PTPRQ: variants seen among roughly 807,000 people sequenced by gnomAD.
PTPRQ encodes protein tyrosine phosphatase receptor type Q, also known as phosphatidylinositol phosphatase PTPRQ.
In PTPRQ, 199 loss-of-function variants were observed where a neutral mutation model predicts 246.0. The observed-to-expected ratio is 0.81, with a 90% CI of 0.72 to 0.91. The LOEUF (loss-of-function observed/expected upper bound fraction) is 0.91, where lower values mean the gene tolerates loss of function less well. Ranked by LOEUF, PTPRQ falls within the 40% of genes least tolerant of loss-of-function variation. PTPRQ has a pLI of 0.00. For synonymous variants in PTPRQ, 869 were observed against 853.2 expected (o/e 1.02, Z -0.32); for missense variants, 2,624 against 2,528.4 (o/e 1.04, Z -0.81).
At chr12:80,623,031 G>A (rs186195440) in intron 33 of PTPRQ, among the ~76,000 whole-genome samples, 4 of 152,076 alleles carry the variant, frequency 2.6e-5, no homozygotes, top group Admixed American at 6.6e-5. Flanking sequence ...CAGTTTATTC[G>A]TCTTAAAGAA....
chr12:80,553,485 A>G (rs1011188446), intron 25 of PTPRQ, among the ~76,000 whole-genome samples: 4 of 152,148 alleles, frequency 2.6e-5, no homozygotes, highest in African/African-American at 7.2e-5. Context: ...GATTAGTCAC[A>G]GTGTATAGCC....
chr12:80,488,655 A>G (rs1460936182), intron 9 of PTPRQ, among the ~76,000 whole-genome samples: 1 of 152,040 alleles, frequency 6.6e-6, no homozygotes, highest in Non-Finnish European at 1.5e-5. Context: ...TATTTTCATT[A>G]TAAACCCTTC....
At chr12:80,636,733 G>A (rs1251253012) in intron 35 of PTPRQ, among the ~76,000 whole-genome samples, 1 of 152,106 alleles carries the variant, frequency 6.6e-6, no homozygotes, top group Non-Finnish European at 1.5e-5. Context: ...AGAATACTTA[G>A]TAGCCCGTGA....
chr12:80,502,515 G>A (rs1182421899), intron 14 of PTPRQ, among the ~76,000 whole-genome samples: 1 of 151,944 alleles, frequency 6.6e-6, no homozygotes, highest in Non-Finnish European at 1.5e-5. Context: ...GGCATGTGAA[G>A]CTAGCAGAGT....
chr12:80,645,884 G>A (rs933750996), intron 35 of PTPRQ, among the ~76,000 whole-genome samples: 8 of 152,082 alleles, frequency 5.3e-5, no homozygotes, highest in African/African-American at 1.9e-4. Flanking sequence ...TGTCAGAAAT[G>A]TGGGCATGGT....
chr12:80,648,247 G>A (rs546294145), intron 35 of PTPRQ, among the ~76,000 whole-genome samples: 1 of 152,044 alleles, frequency 6.6e-6, no homozygotes, highest in East Asian at 1.9e-4. Flanking sequence ...TTTTTGCAGT[G>A]CTAATTTGTT....
At chr12:80,597,362 T>A (rs916783296) in intron 26 of PTPRQ, among the ~76,000 whole-genome samples, 3 of 151,918 alleles carry the variant, frequency 2.0e-5, no homozygotes, top group African/African-American at 7.3e-5. Context: ...ATGAAAATGG[T>A]GATATTTTAT....
intron 35 of PTPRQ, 102 bp from the exon 36 acceptor site, chr12:80,648,795 A>T: frequency 9.3e-7 from 1 of 1,069,610 alleles, no homozygotes; most frequent in Non-Finnish European, 1.3e-6. Flanking sequence ...AGCACATTTT[A>T]CATTATTGAT....
In PTPRQ at chr12:80,484,422, T is replaced by C. The variant is rs749371481; in HGVS notation, c.1187-11T>C. The stretch of plus-strand genomic sequence containing the variant: ...TCCCCCTTTTCTTTTCTTTCTTTCT[T>C]TCTTTCTTAGTTCCAGGGGCAGTGT... On this transcript the variant is annotated splice_polypyrimidine_tract_variant and intron_variant, in intron 8 of 44. Coordinates refer to ENST00000644991, the MANE Select transcript of PTPRQ (RefSeq NM_001145026.2). The C allele has an allele frequency of 6.6e-7, 1 of 1,523,258 alleles. No individual in the cohort carries two copies. The highest frequency in any genetic ancestry group is 8.8e-7 in the Non-Finnish European group (1 of 1,138,734). 94.4% of individuals were successfully genotyped at this position (1,523,258 alleles called of 1,614,324 possible).
At chr12:80,612,163 C>G (rs1898576170) in intron 28 of PTPRQ, among the ~76,000 whole-genome samples, 1 of 150,306 alleles carries the variant, frequency 6.7e-6, no homozygotes, top group African/African-American at 2.4e-5. Flanking sequence ...TGTTATGCAT[C>G]AAGAAGTAGC....
At chr12:80,458,208 C>A (rs1893039057) in intron 4 of PTPRQ, among the ~76,000 whole-genome samples, 1 of 152,090 alleles carries the variant, frequency 6.6e-6, no homozygotes, top group Non-Finnish European at 1.5e-5. Flanking sequence ...TGGCTCTTTT[C>A]TCTCACAGTA....
rs760905352 is a variant in PTPRQ, at chr12:80,507,834, A to G, written c.2557+1164A>G. ...TTATCTTAATAAAAAAACCTTCCAAATGAGTCAATGGTTAAAAACTAGGGA... is the reference window on the plus strand; with the variant it reads ...TTATCTTAATAAAAAAACCTTCCAAGTGAGTCAATGGTTAAAAACTAGGGA... On this transcript the variant is annotated intron_variant, in intron 16 of 44. Coordinates refer to ENST00000644991, the MANE Select transcript of PTPRQ (RefSeq NM_001145026.2). 1.6e-4 allele frequency among the ~76,000 whole-genome samples: 25 copies of G among 151,970 alleles called. 1 individual carries two copies. Among genetic ancestry groups the G allele is most frequent in the Non-Finnish European group, 2.5e-4 (17 of 67,932 alleles).
intron 17 of PTPRQ, among the ~76,000 whole-genome samples, chr12:80,527,503 C>T (rs1164136415): frequency 6.6e-6 from 1 of 151,850 alleles, no homozygotes; most frequent in African/African-American, 2.4e-5. Context: ...TAATTATTCC[C>T]ATATTATCAT....
chr12:80,676,911 C>A (rs1041821114), intron 43 of PTPRQ, among the ~76,000 whole-genome samples: 1 of 152,160 alleles, frequency 6.6e-6, no homozygotes, highest in African/African-American at 2.4e-5. Context: ...CACTCCCACC[C>A]CCAGATGAGG....
chr12:80,636,916 C>T (rs925915709), intron 35 of PTPRQ, among the ~76,000 whole-genome samples: 1 of 152,094 alleles, frequency 6.6e-6, no homozygotes, highest in Non-Finnish European at 1.5e-5. Flanking sequence ...TATATATTTT[C>T]ACAGCTTGCC....
At chr12:80,534,658 A>G (rs890008518) in intron 18 of PTPRQ, among the ~76,000 whole-genome samples, 3 of 152,030 alleles carry the variant, frequency 2.0e-5, no homozygotes, top group African/African-American at 4.8e-5. Flanking sequence ...GAACGGAGAT[A>G]GTATTTTATG....
At chr12:80,455,466 T>C (rs7969389) in intron 3 of PTPRQ, among the ~76,000 whole-genome samples, 7,352 of 152,266 alleles carry the variant, frequency 0.048, 592 homozygotes, top group African/African-American at 0.17. Flanking sequence ...TGGATATTGG[T>C]TTGAACATTT....
chr12:80,463,396 A>G (rs997955493), intron 6 of PTPRQ, among the ~76,000 whole-genome samples: 2 of 152,222 alleles, frequency 1.3e-5, no homozygotes, highest in Non-Finnish European at 2.9e-5. Flanking sequence ...TATGATTGGT[A>G]TACCTGAAAG....
chr12:80,624,785 G>A (rs79561501), intron 33 of PTPRQ, among the ~76,000 whole-genome samples: 2,403 of 152,206 alleles, frequency 0.016, 68 homozygotes, highest in African/African-American at 0.054. Context: ...TTGATAGAAC[G>A]CTGTAGATCA....
Sources: allele counts gnomAD v4.1 joint callset (sites outside exome capture counted in the v4.1 genomes callset), GRCh38; gene constraint gnomAD v4.1.1; transcripts MANE v1.5; gene names NCBI Gene and HGNC (gene_info 2026-07-23, HGNC 2026-07-21).